The following MRPL42 variants were observed in gnomAD, a reference collection of about 807,000 sequenced individuals.
MRPL42 encodes the protein large ribosomal subunit protein mL42.
MRPL42 carries 17 observed loss-of-function variants against 17.9 expected under a neutral mutation model. That is an observed-to-expected ratio of 0.95 (90% CI 0.65 to 1.42). The LOEUF (loss-of-function observed/expected upper bound fraction) is 1.42. Ranked by LOEUF, MRPL42 falls within the 40% of genes most tolerant of loss-of-function variation. MRPL42 has a pLI of 0.00. For missense variants in MRPL42, 177 were observed against 175.2 expected (o/e 1.01, Z -0.06); for synonymous variants, 59 against 54.4 (o/e 1.08, Z -0.37).
At chr12:93,487,301 A>G (rs1280096362) in intron 4 of MRPL42, among the ~76,000 whole-genome samples, 196 bp from the exon 5 acceptor site, 2 of 151,780 alleles carry the variant, frequency 1.3e-5, no homozygotes, top group African/African-American at 4.8e-5. Context: ...AAGAAACCTA[A>G]AATTTGCTGT....
In MRPL42 at chr12:93,504,810, C is replaced by G. The variant is rs988711269; in HGVS notation, c.*3589C>G. ...TTAATCAGAGTTTGTAATTAGGCATCTTTTTGTGTGATTATTTGGTAAATG... is the reference window on the plus strand; with the variant it reads ...TTAATCAGAGTTTGTAATTAGGCATGTTTTTGTGTGATTATTTGGTAAATG... On this transcript the variant is annotated 3_prime_UTR_variant, in exon 6 of 6. Coordinates refer to ENST00000549982, the MANE Select transcript of MRPL42 (RefSeq NM_014050.4). 21 of 152,104 alleles carry G rather than the reference C, an allele frequency of 1.4e-4. No individual in the cohort carries two copies. Among genetic ancestry groups the G allele is most frequent in the African/African-American group, 3.9e-4 (16 of 41,432 alleles). The allele number at this position is 152,104 out of a possible 1,614,324, so 9.4% of individuals were successfully genotyped here.
In MRPL42 at chr12:93,511,251, A is replaced by T. The variant is rs1029169006; in HGVS notation, c.*10030A>T. 2 of 152,226 alleles carry T rather than the reference A, an allele frequency of 1.3e-5. No individual in the cohort carries two copies. Among genetic ancestry groups the T allele is most frequent in the Non-Finnish European group, 2.9e-5 (2 of 68,018 alleles). The allele number at this position is 152,226 out of a possible 1,614,324, so 9.4% of individuals were successfully genotyped here. On this transcript the variant is annotated 3_prime_UTR_variant, in exon 6 of 6. Coordinates refer to ENST00000549982, the MANE Select transcript of MRPL42 (RefSeq NM_014050.4). Reference sequence around the variant, plus strand: ...TAATCAAAACTAAATCAACATTTAAATACAGAACATAAAGAGATAAATCCA... The same window carrying T: ...TAATCAAAACTAAATCAACATTTAATTACAGAACATAAAGAGATAAATCCA...
intron 4 of MRPL42, among the ~76,000 whole-genome samples, chr12:93,481,980 C>G (rs1242316798): frequency 2.0e-5 from 3 of 152,216 alleles, no homozygotes; most frequent in African/African-American, 7.2e-5. Flanking sequence ...CCTGCATCCT[C>G]TTTCTTTGTT....
intron 3 of MRPL42, among the ~76,000 whole-genome samples, chr12:93,479,121 G>C (rs901348114): frequency 6.6e-6 from 1 of 150,894 alleles, no homozygotes; most frequent in Non-Finnish European, 1.5e-5. Flanking sequence ...TAGTAGAGAC[G>C]GGGTTTTGCC....
intron 2 of MRPL42, among the ~76,000 whole-genome samples, chr12:93,469,649 T>C (rs10777514): frequency 0.51 from 77,875 of 151,330 alleles, 20,078 homozygotes; most frequent in Non-Finnish European, 0.53. Context: ...AAATGTGGGT[T>C]GGGGAGGGGA....
At chr12:93,481,414 C>G (rs938609904) in intron 4 of MRPL42, among the ~76,000 whole-genome samples, 1 of 152,146 alleles carries the variant, frequency 6.6e-6, no homozygotes, top group African/African-American at 2.4e-5. Context: ...AAATCTAGAT[C>G]ATTTCTCTTC....
chr12:93,468,488 C>T (rs112970216), intron 1 of MRPL42, among the ~76,000 whole-genome samples: 1,633 of 152,266 alleles, frequency 0.011, 30 homozygotes, highest in African/African-American at 0.037. Context: ...GTGACTGACT[C>T]TAAAGTCCTT....
intron 5 of MRPL42, among the ~76,000 whole-genome samples, chr12:93,496,905 C>T: frequency 6.6e-6 from 1 of 152,048 alleles, no homozygotes; most frequent in African/African-American, 2.4e-5. Context: ...CTCCGTCTCC[C>T]AGGTACAAGT....
intron 2 of MRPL42, among the ~76,000 whole-genome samples, chr12:93,469,886 C>A (rs1879820246): frequency 6.6e-6 from 1 of 152,046 alleles, no homozygotes. Context: ...GTGTAGCCCA[C>A]TCTTGGGATT....
chr12:93,484,977 CACATATAT>C (rs1880646695), intron 4 of MRPL42, among the ~76,000 whole-genome samples: 1 of 28,592 alleles, frequency 3.5e-5, no homozygotes, highest in African/African-American at 9.4e-5. Context: ...CACACACACA[CACATATAT>C]ATATATATAT....
At chr12:93,476,905 A>T in intron 2 of MRPL42, 49 bp from the exon 3 acceptor site, 1 of 1,501,942 alleles carries the variant, frequency 6.7e-7, no homozygotes, top group Non-Finnish European at 9.2e-7. Flanking sequence ...TTATGGAGAA[A>T]ATATGCTCAA....
chr12:93,488,300 C>T (rs1448834371), intron 5 of MRPL42: 2 of 398,328 alleles, frequency 5.0e-6, no homozygotes, highest in Non-Finnish European at 8.9e-6. Flanking sequence ...GGCAAGGTCT[C>T]ACTCACTGTG....
chr12:93,494,854 T>G (rs1458179773), intron 5 of MRPL42, among the ~76,000 whole-genome samples: 1 of 152,170 alleles, frequency 6.6e-6, no homozygotes, highest in Non-Finnish European at 1.5e-5. Flanking sequence ...GTATATTAAC[T>G]TTAGATATGT....
rs1207641456 is a variant in MRPL42 at position 93,515,161 on chromosome 12, A to G, written c.*13940A>G. On this transcript the variant is annotated 3_prime_UTR_variant, in exon 6 of 6. Coordinates refer to ENST00000549982, the MANE Select transcript of MRPL42 (RefSeq NM_014050.4). ...CAAAGAAGATTTTTGGCAGGGGATG[A>G]TGCATTCAGAGCCTTCACTCTGGCT... 6.6e-6 allele frequency: 1 copy of G among 152,174 alleles called. No homozygotes were observed. Among genetic ancestry groups the G allele is most frequent in the Non-Finnish European group, 1.5e-5 (1 of 68,042 alleles). The allele number at this position is 152,174 out of a possible 1,614,324, so 9.4% of individuals were successfully genotyped here. A position where few individuals can be genotyped will look rare whatever the true frequency, so the allele number is the denominator to read the frequency against.
chr12:93,477,930 T>C (rs931857166), intron 3 of MRPL42, among the ~76,000 whole-genome samples: 1 of 151,244 alleles, frequency 6.6e-6, no homozygotes, highest in Non-Finnish European at 1.5e-5. Flanking sequence ...CCCAAAATGC[T>C]GGAATTACAG....
rs1318071810 is a variant in MRPL42, at chr12:93,514,393, C to G, written c.*13172C>G. On this transcript the variant is annotated 3_prime_UTR_variant, in exon 6 of 6. Coordinates refer to ENST00000549982, the MANE Select transcript of MRPL42 (RefSeq NM_014050.4). ...GCTCAAGCGATTCTTGTGCCTCAGC[C>G]TCCTGAGTAGCTGGGATTACAGGCA... 6.6e-6 allele frequency: 1 copy of G among 151,162 alleles called. No individual in the cohort carries two copies. The highest frequency in any genetic ancestry group is 1.5e-5 in the Non-Finnish European group (1 of 67,924). The allele number at this position is 151,162 out of a possible 1,614,324, so 9.4% of individuals were successfully genotyped here. A position where few individuals can be genotyped will look rare whatever the true frequency, so the allele number is the denominator to read the frequency against.
intron 5 of MRPL42, among the ~76,000 whole-genome samples, chr12:93,492,182 G>C (rs977913130): frequency 4.6e-5 from 7 of 152,260 alleles, no homozygotes; most frequent in African/African-American, 1.7e-4. Flanking sequence ...TTAGTTCTTT[G>C]AGAAATCTCC....
chr12:93,493,034 C>CT lies in MRPL42; in HGVS notation c.383+5377dup, dbSNP rs202182991. ...GGTCTACAGCTCTTAACCCAGAAAA[C>CT]TTTACCTCCTGGTTCATACTAAGCT... On this transcript the variant is annotated intron_variant, in intron 5 of 5. Transcript: ENST00000549982. 9.2e-3 allele frequency among the ~76,000 whole-genome samples: 824 copies of CT among 89,850 alleles called. 1 individual carries two copies. The highest frequency in any genetic ancestry group is 0.036 in the African/African-American group (767 of 21,552). The allele number at this position is 89,850 out of a possible 152,430, so 58.9% of individuals were successfully genotyped here.
chr12:93,485,560 A>T (rs570929646), intron 4 of MRPL42, among the ~76,000 whole-genome samples: 1 of 80,328 alleles, frequency 1.2e-5, no homozygotes, highest in East Asian at 2.4e-4. Flanking sequence ...ATGTAAAGAA[A>T]ATATGTTTGA....
Sources: gnomAD v4.1 joint callset for allele counts (sites outside exome capture counted in the v4.1 genomes callset) on GRCh38, gnomAD v4.1.1 for gene constraint, MANE v1.5 for transcripts, NCBI Gene and HGNC (gene_info 2026-07-23, HGNC 2026-07-21) for gene names.